The following C14orf39 variants were observed in gnomAD, a reference collection of about 807,000 sequenced individuals.
C14orf39 encodes chromosome 14 open reading frame 39, also known as protein SIX6OS1.
C14orf39 carries 66 observed loss-of-function variants against 85.6 expected under a neutral mutation model. The observed-to-expected ratio is 0.77, with a 90% confidence interval of 0.63 to 0.95. C14orf39 has a LOEUF of 0.95. Ranked by LOEUF, C14orf39 falls within the 40% of genes least tolerant of loss-of-function variation. The pLI, the probability that C14orf39 is intolerant of heterozygous loss-of-function variation, is 0.00. For missense variants in C14orf39, 735 were observed against 663.9 expected, an observed-to-expected ratio of 1.11 and a Z score of -1.18; for synonymous variants, 242 against 214.0, an observed-to-expected ratio of 1.13 and a Z score of -1.14.
intron 11 of C14orf39, among the ~76,000 whole-genome samples, chr14:60,463,373 T>C (rs1009888987): frequency 6.6e-6 from 1 of 152,174 alleles, no homozygotes; most frequent in South Asian, 2.1e-4. Flanking sequence ...TCTTTTAACT[T>C]TGTTAGTGTC....
rs1391058653 is a variant in C14orf39 at position 60,461,337 on chromosome 14, A to C, written c.1117+17T>G. On this transcript the variant is annotated intron_variant, in intron 13 of 17. Coordinates refer to ENST00000321731, the MANE Select transcript of C14orf39 (RefSeq NM_174978.3). Reference sequence around the variant, plus strand: ...GTTACCCCGACTTCTTAGAAGAAAAATATAAACGGCAAATACCTTTATCCC... The same window carrying C: ...GTTACCCCGACTTCTTAGAAGAAAACTATAAACGGCAAATACCTTTATCCC... The C allele has an allele frequency of 2.5e-6, 4 of 1,605,136 alleles. No homozygotes were observed. Among genetic ancestry groups the C allele is most frequent in the Non-Finnish European group, 3.4e-6 (4 of 1,174,122 alleles).
At chr14:60,499,390 T>C (rs1034988672) in exon 2 of C14orf39, 4 of 152,230 alleles carry the variant, frequency 2.6e-5, no homozygotes, top group South Asian at 2.1e-4. Flanking sequence ...ATAATTTCTA[T>C]GTATATAAAT....
chr14:60,450,643 CAG>C (rs1393499791), intron 16 of C14orf39, among the ~76,000 whole-genome samples: 1 of 152,220 alleles, frequency 6.6e-6, no homozygotes, highest in Non-Finnish European at 1.5e-5. Context: ...CTGCTGATCA[CAG>C]AGCTTTAGGG....
intron 1 of C14orf39, among the ~76,000 whole-genome samples, chr14:60,505,208 G>A (rs1332200925): frequency 6.6e-6 from 1 of 152,162 alleles, no homozygotes; most frequent in Non-Finnish European, 1.5e-5. Flanking sequence ...GTGCACAATG[G>A]CAGGGGAGGA....
At chr14:60,478,966 A>G (rs2140147796) in intron 4 of C14orf39, among the ~76,000 whole-genome samples, 1 of 152,244 alleles carries the variant, frequency 6.6e-6, no homozygotes, top group South Asian at 2.1e-4. Flanking sequence ...AATATTACCA[A>G]TACAAAAAAA....
At chr14:60,440,951 C>A (rs146297586) in intron 17 of C14orf39, among the ~76,000 whole-genome samples, 4 of 152,154 alleles carry the variant, frequency 2.6e-5, no homozygotes, top group Non-Finnish European at 5.9e-5. Flanking sequence ...TGACTCCTTG[C>A]AATACGGCAA....
chr14:60,467,961 A>G (rs1371213992), intron 9 of C14orf39, among the ~76,000 whole-genome samples: 1 of 151,418 alleles, frequency 6.6e-6, no homozygotes, highest in Non-Finnish European at 1.5e-5. Context: ...GGCCTCTATC[A>G]CTGATCTCTA....
chr14:60,488,687 C>G (rs1039440982), upstream of C14orf39, among the ~76,000 whole-genome samples: 2 of 152,074 alleles, frequency 1.3e-5, no homozygotes, highest in African/African-American at 2.4e-5. Flanking sequence ...CTTGTGTTTC[C>G]TACCTACAAT....
intron 9 of C14orf39, among the ~76,000 whole-genome samples, chr14:60,467,905 T>C (rs1032999124): frequency 9.2e-5 from 14 of 151,694 alleles, no homozygotes; most frequent in African/African-American, 2.9e-4. Flanking sequence ...ATACATCTAT[T>C]TTTCTGTCAT....
chr14:60,511,631 G>GT (rs201479257), intron 1 of C14orf39: 498 of 369,334 alleles, frequency 1.3e-3, no homozygotes, highest in African/African-American at 1.9e-3. Context: ...TCGCTTTAAA[G>GT]TTTTTTTTTA....
chr14:60,509,280 G>C, intron 1 of C14orf39: 1 of 883,978 alleles, frequency 1.1e-6, no homozygotes, highest in Non-Finnish European at 1.8e-6. Context: ...CCGGTAGTGT[G>C]TCCCGCTGCC....
At chr14:60,472,964 C>A (rs1416706940) in intron 5 of C14orf39, among the ~76,000 whole-genome samples, 1 of 152,078 alleles carries the variant, frequency 6.6e-6, no homozygotes, top group East Asian at 1.9e-4. Context: ...GTTCTAGATC[C>A]CTGAGGAATT....
intron 16 of C14orf39, among the ~76,000 whole-genome samples, chr14:60,447,383 A>C (rs953611476): frequency 6.6e-6 from 1 of 152,234 alleles, no homozygotes; most frequent in African/African-American, 2.4e-5. Flanking sequence ...CAAAAATCAC[A>C]AGCATTCCTA....
intron 3 of C14orf39, 31 bp from the exon 4 acceptor site, chr14:60,483,848 G>A: frequency 7.1e-7 from 1 of 1,404,568 alleles, no homozygotes; most frequent in Non-Finnish European, 9.8e-7. Context: ...TTTTCTTAAT[G>A]TAGAAATAAT....
intron 17 of C14orf39, among the ~76,000 whole-genome samples, chr14:60,441,166 G>A (rs1890493180): frequency 6.6e-6 from 1 of 152,142 alleles, no homozygotes; most frequent in African/African-American, 2.4e-5. Context: ...TATCTAGTCT[G>A]CTGTGTGAGA....
chr14:60,495,599 A>G, intron 2 of C14orf39: 1 of 220,968 alleles, frequency 4.5e-6, no homozygotes, highest in Non-Finnish European at 9.3e-6. Context: ...GGAACTTGGC[A>G]AACAGCTGAA....
In C14orf39 at chr14:60,458,717, C is replaced by T. The variant is rs1595458012; in HGVS notation, c.1140G>A (p.Gly380=). The T allele has an allele frequency of 6.2e-7, 1 of 1,601,650 alleles. No homozygotes were observed. The highest frequency in any genetic ancestry group is 8.5e-7 in the Non-Finnish European group (1 of 1,173,706). ...TTGATTCTCTTACTTGTCTTACTGTCCCTTTATCTCCATACTCAGCATCTG... is the reference window on the plus strand; with the variant it reads ...TTGATTCTCTTACTTGTCTTACTGTTCCTTTATCTCCATACTCAGCATCTG... The part of the protein sequence containing the change: ...GDKDAEYGDK[G]TVRQVRESKC... The change falls in exon 14 of 18, where the codon GGG becomes GGA. Residue 380 remains glycine, a synonymous_variant. Coordinates refer to ENST00000321731, the MANE Select transcript of C14orf39 (RefSeq NM_174978.3).
At position 60,500,890 on chromosome 14, in the gene C14orf39, T is replaced by C. The variant is rs190055798; in HGVS notation, c.-143-1460A>G. Among the ~76,000 whole-genome samples the C allele has an allele frequency of 4.9e-3, 745 of 152,194 alleles. 5 individuals carry two copies. The highest frequency in any genetic ancestry group is 8.4e-3 in the Non-Finnish European group (570 of 67,990). ...GAAAACGAACAAAAAAAAAGACATT[T>C]CCAGTAGGAAAAAAACCTAGCACTC... is the stretch of plus-strand genomic sequence containing the variant. On this transcript the variant is annotated intron_variant, in intron 1 of 5. Transcript: ENST00000556799.
intron 5 of C14orf39, among the ~76,000 whole-genome samples, chr14:60,474,110 A>G (rs1382868966): frequency 1.3e-5 from 2 of 152,194 alleles, no homozygotes; most frequent in African/African-American, 2.4e-5. Context: ...TCCTTGAAGA[A>G]GTCCTTCATA....
Sources: gnomAD v4.1 joint callset for allele counts (sites outside exome capture counted in the v4.1 genomes callset) on GRCh38, gnomAD v4.1.1 for gene constraint, MANE v1.5 for transcripts, NCBI Gene and HGNC (gene_info 2026-07-23, HGNC 2026-07-21) for gene names.